NTN1: variants seen among roughly 807,000 people sequenced by gnomAD.
NTN1 encodes netrin-1.
Under a neutral mutation model 54.2 loss-of-function variants are expected in NTN1, and 11 were observed. The observed-to-expected ratio is 0.20, with a 90% confidence interval of 0.13 to 0.34. The LOEUF (loss-of-function observed/expected upper bound fraction) is 0.34, where lower values mean the gene tolerates loss of function less well. Among genes scored for constraint, NTN1 ranks in the 10% least tolerant of loss-of-function variants. NTN1 has a pLI of 1.00. For synonymous variants in NTN1, 371 were observed against 382.0 expected, an observed-to-expected ratio of 0.97 and a Z score of 0.33; for missense variants, 740 against 893.1, an observed-to-expected ratio of 0.83 and a Z score of 2.18.
At chr17:9,073,713 T>C (rs2092040143) in intron 2 of NTN1, among the ~76,000 whole-genome samples, 1 of 152,328 alleles carries the variant, frequency 6.6e-6, no homozygotes, top group Non-Finnish European at 1.5e-5. Flanking sequence ...AGAGAGAATA[T>C]GGGAATTGCA....
At chr17:9,050,853 C>T (rs1310783073) in intron 2 of NTN1, among the ~76,000 whole-genome samples, 1 of 152,104 alleles carries the variant, frequency 6.6e-6, no homozygotes, top group Non-Finnish European at 1.5e-5. Flanking sequence ...GCCTGCCTTA[C>T]CAGGTGCTCA....
chr17:9,227,705 C>CAT (rs1491405376), intron 6 of NTN1, among the ~76,000 whole-genome samples: 7 of 6,910 alleles, frequency 1.0e-3, no homozygotes, highest in Non-Finnish European at 1.5e-3. Context: ...ACACACGTAT[C>CAT]ACACGCACAC....
intron 2 of NTN1, among the ~76,000 whole-genome samples, chr17:9,069,385 T>G (rs2092025762): frequency 1.3e-5 from 2 of 152,228 alleles, no homozygotes; most frequent in Non-Finnish European, 2.9e-5. Flanking sequence ...TCCACTTCAT[T>G]GGCTTTTTGT....
At chr17:9,122,438 G>A (rs1261843605) in intron 2 of NTN1, among the ~76,000 whole-genome samples, 3 of 152,174 alleles carry the variant, frequency 2.0e-5, no homozygotes, top group Non-Finnish European at 4.4e-5. Flanking sequence ...GAGGCTTTGG[G>A]ATTGGGGCAA....
chr17:9,163,393 G>T (rs552860892), intron 3 of NTN1, among the ~76,000 whole-genome samples: 1 of 150,272 alleles, frequency 6.7e-6, no homozygotes, highest in Non-Finnish European at 1.5e-5. Flanking sequence ...CAGGCTTACC[G>T]TTGGGACAAA....
the NTN1 span, among the ~76,000 whole-genome samples, chr17:9,009,309 C>T: frequency 1.0e-3 from 158 of 152,268 alleles, no homozygotes; most frequent in African/African-American, 3.5e-3. Flanking sequence ...TGGAAACCAG[C>T]GCTCTCTGGG....
chr17:9,138,739 G>T (rs2092288872), intron 2 of NTN1, among the ~76,000 whole-genome samples: 1 of 152,182 alleles, frequency 6.6e-6, no homozygotes. Flanking sequence ...ACCAGGGAGG[G>T]GCAGAGCTGT....
chr17:9,191,400 C>T (rs1037195054), intron 5 of NTN1, among the ~76,000 whole-genome samples: 6 of 152,138 alleles, frequency 3.9e-5, no homozygotes, highest in African/African-American at 4.8e-5. Context: ...GCGGAGGTTG[C>T]GGTGAGCCGA....
chr17:9,110,641 G>A (rs2092187295), intron 2 of NTN1, among the ~76,000 whole-genome samples: 1 of 152,140 alleles, frequency 6.6e-6, no homozygotes, highest in Admixed American at 6.6e-5. Flanking sequence ...CCACAAACTG[G>A]GTGGCTTAAT....
intron 2 of NTN1, among the ~76,000 whole-genome samples, chr17:9,028,082 G>A (rs1318201539): frequency 1.3e-5 from 2 of 151,776 alleles, no homozygotes; most frequent in Non-Finnish European, 1.5e-5. Flanking sequence ...CCGAGATCAC[G>A]CCACTGTACT....
chr17:9,169,821 C>T (rs2092382651), intron 3 of NTN1, among the ~76,000 whole-genome samples: 1 of 152,166 alleles, frequency 6.6e-6, no homozygotes, highest in Admixed American at 6.5e-5. Context: ...GCCGAGATCG[C>T]ACCATTGCAC....
chr17:9,104,756 G>T (rs2092160642), intron 2 of NTN1, among the ~76,000 whole-genome samples: 1 of 152,194 alleles, frequency 6.6e-6, no homozygotes. Flanking sequence ...TTCCCGTCAG[G>T]TCCTGGAGAC....
intron 5 of NTN1, among the ~76,000 whole-genome samples, chr17:9,201,737 T>C (rs980990561): frequency 3.9e-5 from 6 of 152,118 alleles, no homozygotes; most frequent in African/African-American, 7.2e-5. Flanking sequence ...GCTCCTGGGC[T>C]GTGATTCTCT....
At chr17:9,118,965 G>A (rs1292665272) in intron 2 of NTN1, among the ~76,000 whole-genome samples, 1 of 152,096 alleles carries the variant, frequency 6.6e-6, no homozygotes, top group Non-Finnish European at 1.5e-5. Context: ...ATGAGTATTT[G>A]TGTGTGGACA....
At chr17:9,233,010 G>A (rs558742780) in intron 6 of NTN1, among the ~76,000 whole-genome samples, 5 of 152,154 alleles carry the variant, frequency 3.3e-5, no homozygotes, top group South Asian at 2.1e-4. Context: ...CGCTGTCTCC[G>A]AGGCAGATGG....
intron 2 of NTN1, among the ~76,000 whole-genome samples, chr17:9,138,227 T>C (rs1184772929): frequency 6.6e-6 from 1 of 152,216 alleles, no homozygotes. Flanking sequence ...TTCATTCCTT[T>C]CCCCAAATTG....
At chr17:9,138,272 G>A (rs1027552183) in intron 2 of NTN1, among the ~76,000 whole-genome samples, 1 of 152,206 alleles carries the variant, frequency 6.6e-6, no homozygotes. Flanking sequence ...TTAGTGGTGA[G>A]ATACCGCCCC....
At chr17:9,126,098 A>G (rs531544111) in intron 2 of NTN1, among the ~76,000 whole-genome samples, 7 of 152,386 alleles carry the variant, frequency 4.6e-5, no homozygotes, top group African/African-American at 1.4e-4. Flanking sequence ...GGTGGAGACA[A>G]GAGAAATCCT....
At chr17:9,075,966 C>A (rs2092048098) in intron 2 of NTN1, among the ~76,000 whole-genome samples, 1 of 152,236 alleles carries the variant, frequency 6.6e-6, no homozygotes, top group African/African-American at 2.4e-5. Context: ...CATGGGCTGG[C>A]CCACCCCTCA....
Sources: allele counts gnomAD v4.1 joint callset (sites outside exome capture counted in the v4.1 genomes callset), GRCh38; gene constraint gnomAD v4.1.1; transcripts MANE v1.5; gene names NCBI Gene and HGNC (gene_info 2026-07-23, HGNC 2026-07-21).